CROT: variants seen among roughly 807,000 people sequenced by gnomAD.
CROT encodes the protein peroxisomal carnitine O-octanoyltransferase.
A neutral mutation model predicts 89.2 loss-of-function variants in CROT; 84 were observed. That is an observed-to-expected ratio of 0.94 (90% CI 0.79 to 1.13). The LOEUF (loss-of-function observed/expected upper bound fraction) is 1.13, where lower values mean the gene tolerates loss of function less well. Ranked by LOEUF, CROT falls within the 50% of genes most tolerant of loss-of-function variation. CROT has a pLI of 0.00. For missense variants in CROT, 711 were observed against 727.8 expected, an observed-to-expected ratio of 0.98 and a Z score of 0.27; for synonymous variants, 212 against 239.5, an observed-to-expected ratio of 0.89 and a Z score of 1.06.
intron 3 of CROT, 42 bp from the exon 4 acceptor site, chr7:87,359,164 G>C: frequency 7.6e-7 from 1 of 1,321,202 alleles, no homozygotes. Flanking sequence ...TGAGTTGGTG[G>C]TACTTGGTCT....
chr7:87,377,376 C>A lies in CROT; in HGVS notation c.904C>A (p.Pro302Thr), dbSNP rs1170506441. The A allele has an allele frequency of 6.2e-7, 1 of 1,609,096 alleles. No homozygotes were observed. The highest frequency in any genetic ancestry group is 1.1e-5 in the South Asian group (1 of 90,600). Reference protein sequence around the residue: ...EIIAAILIGDPTVRWGDKSYN... With the variant: ...EIIAAILIGDTTVRWGDKSYN... ...TATTGCAGCCATCCTTATTGGAGATCCAACAGTACGCTGGGGTGACAAATC... is the reference window on the plus strand; with the variant it reads ...TATTGCAGCCATCCTTATTGGAGATACAACAGTACGCTGGGGTGACAAATC... The change falls in exon 10 of 18, where the codon CCA becomes ACA. Residue 302 changes from proline to threonine, a missense_variant. Coordinates refer to ENST00000331536, the MANE Select transcript of CROT (RefSeq NM_021151.4).
rs535797306 is a variant in CROT, at chr7:87,371,723, G to T, written c.656+2239G>T. On this transcript the variant is annotated intron_variant, in intron 7 of 17. Transcript: ENST00000331536. Reference sequence around the variant, plus strand: ...TATCTGGTGAGTGGGGGACACAGTGGCTCATGCCTGTAATTGCAACATTTT... The same window carrying T: ...TATCTGGTGAGTGGGGGACACAGTGTCTCATGCCTGTAATTGCAACATTTT... Among the ~76,000 whole-genome samples the T allele has an allele frequency of 4.6e-5, 7 of 152,210 alleles. No individual in the cohort carries two copies. The South Asian group carries it at 1.5e-3, about 32-fold the overall frequency.
chr7:87,391,757 T>C, intron 14 of CROT, 45 bp downstream of exon 14: 1 of 1,582,266 alleles, frequency 6.3e-7, no homozygotes, highest in South Asian at 1.2e-5. Flanking sequence ...TGTTTAATTG[T>C]TCTAAAGGAA....
chr7:87,377,315 C>A (rs1272657652), intron 9 of CROT, 34 bp from the exon 10 acceptor site: 4 of 1,328,188 alleles, frequency 3.0e-6, no homozygotes, highest in Admixed American at 3.6e-5. Flanking sequence ...CAATATTAAA[C>A]CCTTTTAATT....
chr7:87,347,658 A>G (rs2115774835), intron 2 of CROT, among the ~76,000 whole-genome samples: 1 of 152,328 alleles, frequency 6.6e-6, no homozygotes, highest in East Asian at 1.9e-4. Flanking sequence ...TCTCCCTACA[A>G]TAGAAAGCCC....
At chr7:87,389,642 G>A (rs1807298303) in intron 13 of CROT, among the ~76,000 whole-genome samples, 1 of 152,086 alleles carries the variant, frequency 6.6e-6, no homozygotes, top group Non-Finnish European at 1.5e-5. Flanking sequence ...GGCTAGGGGA[G>A]GGATAGCATT....
chr7:87,379,425 G>C (rs990863400), intron 10 of CROT, among the ~76,000 whole-genome samples: 1 of 152,106 alleles, frequency 6.6e-6, no homozygotes, highest in Non-Finnish European at 1.5e-5. Context: ...TGTTATATAA[G>C]AGTAAGTCAA....
intron 3 of CROT, chr7:87,357,460 G>T: frequency 6.4e-7 from 1 of 1,551,306 alleles, no homozygotes. Flanking sequence ...GTGCTGTGCA[G>T]GCTGAATCTC....
intron 3 of CROT, among the ~76,000 whole-genome samples, chr7:87,351,308 C>CAAAAAAAAA (rs11295263): frequency 1.5e-5 from 1 of 67,518 alleles, no homozygotes; most frequent in Non-Finnish European, 2.7e-5. Flanking sequence ...GACTCCATCT[C>CAAAAAAAAA]AAAAAAAAAA....
At chr7:87,371,993 C>CA (rs76864305) in intron 7 of CROT, among the ~76,000 whole-genome samples, 963 of 59,150 alleles carry the variant, frequency 0.016, 16 homozygotes, top group African/African-American at 0.056. Context: ...GACGCTGTCT[C>CA]AAAAAAAAAA....
At chr7:87,349,823 G>A (rs1323516179) in intron 3 of CROT, among the ~76,000 whole-genome samples, 1 of 152,134 alleles carries the variant, frequency 6.6e-6, no homozygotes, top group Non-Finnish European at 1.5e-5. Flanking sequence ...TTAACCTTAA[G>A]GGGAGATAAA....
intron 13 of CROT, among the ~76,000 whole-genome samples, chr7:87,385,753 T>C (rs1807165386): frequency 6.6e-6 from 1 of 152,234 alleles, no homozygotes; most frequent in South Asian, 2.1e-4. Flanking sequence ...TTTGTCATGT[T>C]CTAGATCTTA....
chr7:87,380,950 A>G (rs1216662257), intron 10 of CROT, among the ~76,000 whole-genome samples: 2 of 152,224 alleles, frequency 1.3e-5, no homozygotes. Context: ...CTGCTCAGGC[A>G]TCTTATACTG....
chr7:87,394,234 C>G (rs574776570), intron 17 of CROT, among the ~76,000 whole-genome samples: 67 of 152,282 alleles, frequency 4.4e-4, no homozygotes, highest in Non-Finnish European at 7.1e-4. Flanking sequence ...TAAAGAGTTG[C>G]AAGTATCTCC....
intron 3 of CROT, among the ~76,000 whole-genome samples, chr7:87,355,097 A>G (rs1376830520): frequency 8.2e-6 from 1 of 121,880 alleles, no homozygotes; most frequent in South Asian, 2.6e-4. Context: ...CTTACCAAAA[A>G]TATGTATTTT....
Position 87,393,023 on chromosome 7 carries a change from G to A in CROT, c.1674G>A (p.Met558Ile), listed in dbSNP as rs1229725542. ...YLRVQGVVVP[M>I]VHNGYGFFYH... ...GAGTCCAGGGAGTGGTAGTTCCCAT[G>A]GTACACAATGGTTATGGATTTTTCT... Residue 558 changes from methionine (M) to isoleucine (I), a missense_variant, in exon 17 of 18, where the codon ATG (methionine) becomes ATA (isoleucine). Physicochemically the swap from Met to Ile is conservative, Grantham distance 10. Transcript: ENST00000331536. 1 of 1,613,308 alleles carries A rather than the reference G, an allele frequency of 6.2e-7. No homozygotes were observed. Among genetic ancestry groups the A allele is most frequent in the African/African-American group, 1.3e-5 (1 of 74,868 alleles).
Position 87,381,910 on chromosome 7 carries a change from C to A in CROT, c.979C>A (p.His327Asn). 6.3e-7 allele frequency: 1 copy of A among 1,597,984 alleles called. No individual in the cohort carries two copies. The highest frequency in any genetic ancestry group is 8.5e-7 in the Non-Finnish European group (1 of 1,172,330). Residue 327 changes from histidine to asparagine, a missense_variant and splice_region_variant, in exon 11 of 18, where the codon CAT becomes AAT. By Grantham distance (68) the His-to-Asn change is moderately conservative. Transcript: ENST00000331536. ...GAAATCTTGTGTGTTCTCATTTTAG[C>A]ATGCTCCTTTTGATGCAATGATTAT... ...SNGVFGCNCD[H>N]APFDAMIMVN...
rs1806785777 is a variant in CROT, at chr7:87,375,627, A to G, written c.657-5A>G. 2 of 1,607,786 alleles carry G rather than the reference A, an allele frequency of 1.2e-6. No homozygotes were observed. Among genetic ancestry groups the G allele is most frequent in the Non-Finnish European group, 1.7e-6 (2 of 1,174,812 alleles). Reference sequence around the variant, plus strand: ...TTTTTTAATCTTCTTTTCATCTTCCATAAGACAACTGACATATATCCACAA... The same window carrying G: ...TTTTTTAATCTTCTTTTCATCTTCCGTAAGACAACTGACATATATCCACAA... On this transcript the variant is annotated splice_region_variant and splice_polypyrimidine_tract_variant and intron_variant, in intron 7 of 17. Transcript: ENST00000331536.
In CROT at chr7:87,399,657, A is replaced by G. The variant is rs1454415499; in HGVS notation, c.*1013A>G. The G allele has an allele frequency of 6.6e-6, 1 of 152,198 alleles. No homozygotes were observed. Among genetic ancestry groups the G allele is most frequent in the East Asian group, 1.9e-4 (1 of 5,196 alleles). 9.4% of individuals were successfully genotyped at this position (152,198 alleles called of 1,614,324 possible). On this transcript the variant is annotated 3_prime_UTR_variant, in exon 18 of 18. Transcript: ENST00000331536. Reference sequence around the variant, plus strand: ...GTTTAAATTTGTTACAGTGACTTTTAAAGGATTAATGTTGAATCACATTGT... The same window carrying G: ...GTTTAAATTTGTTACAGTGACTTTTGAAGGATTAATGTTGAATCACATTGT...
Sources: gnomAD v4.1 joint callset for allele counts (sites outside exome capture counted in the v4.1 genomes callset) on GRCh38, gnomAD v4.1.1 for gene constraint, MANE v1.5 for transcripts, NCBI Gene and HGNC (gene_info 2026-07-23, HGNC 2026-07-21) for gene names.